SH3D19: variants seen among roughly 807,000 people sequenced by gnomAD.
SH3D19 encodes the protein SH3 domain-containing protein 19.
In SH3D19, 58 loss-of-function variants were observed where a neutral mutation model predicts 112.1. That is an observed-to-expected ratio of 0.52 (90% CI 0.42 to 0.64). SH3D19 has a LOEUF of 0.64. Ranked by LOEUF, SH3D19 falls within the 30% of genes least tolerant of loss-of-function variation. The probability of loss-of-function intolerance (pLI) is 0.00; values close to 1 mark genes in which losing one functional copy is unlikely to be tolerated. For missense variants in SH3D19, 1,090 were observed against 1,263.4 expected (o/e 0.86, Z 2.08); for synonymous variants, 391 against 448.5 (o/e 0.87, Z 1.62).
At chr4:151,258,864 G>A (rs539320559) in intron 1 of SH3D19, among the ~76,000 whole-genome samples, 1 of 152,068 alleles carries the variant, frequency 6.6e-6, no homozygotes, top group Non-Finnish European at 1.5e-5. Flanking sequence ...AGGGAGTGCT[G>A]GCCCTCAGGA....
intron 9 of SH3D19, among the ~76,000 whole-genome samples, chr4:151,150,273 A>G (rs1357691461): frequency 7.0e-6 from 1 of 142,044 alleles, no homozygotes; most frequent in Non-Finnish European, 1.5e-5. Flanking sequence ...ATACATATAT[A>G]TACACACACA....
At chr4:151,191,222 T>C (rs147405574) in intron 2 of SH3D19, among the ~76,000 whole-genome samples, 65 of 152,336 alleles carry the variant, frequency 4.3e-4, no homozygotes, top group African/African-American at 1.4e-3. Context: ...GCTTTTGATT[T>C]TACTGGTTCA....
chr4:151,292,315 A>T (rs1434957710), intron 1 of SH3D19, among the ~76,000 whole-genome samples: 1 of 152,052 alleles, frequency 6.6e-6, no homozygotes, highest in Non-Finnish European at 1.5e-5. Flanking sequence ...AAAAAAAGGA[A>T]AAGAAAAGAA....
rs1363096895 is a variant in SH3D19, at chr4:151,267,789, TC to T, written c.113-41704del. ...ATTAGTTGGTGATCAAAATAACCAG[TC>T]CCCCCTGTAAAGGGGGACTGGTTTT... On this transcript the variant is annotated intron_variant, in intron 1 of 19. Transcript: ENST00000604030. Among the ~76,000 whole-genome samples the T allele has an allele frequency of 2.6e-5, 4 of 151,832 alleles. No individual in the cohort carries two copies. In the East Asian group the frequency reaches 5.8e-4, roughly 22 times the overall value.
In SH3D19 at chr4:151,120,407, G is replaced by T. The variant is rs1747817462; in HGVS notation, c.*1684C>A. On this transcript the variant is annotated 3_prime_UTR_variant, in exon 20 of 20. Coordinates refer to ENST00000604030, the MANE Select transcript of SH3D19 (RefSeq NM_001378122.1). The stretch of plus-strand genomic sequence containing the variant: ...TTCCTCTAATAAAGATAGGTTTTCA[G>T]AATCTTCAATATAAGATGTTAAAAT... 6.6e-6 allele frequency: 1 copy of T among 152,480 alleles called. No homozygotes were observed. The highest frequency in any genetic ancestry group is 2.4e-5 in the African/African-American group (1 of 41,402). 9.4% of individuals were successfully genotyped at this position (152,480 alleles called of 1,614,324 possible).
intron 1 of SH3D19, among the ~76,000 whole-genome samples, chr4:151,232,543 TG>T (rs1216156222): frequency 1.3e-5 from 2 of 152,230 alleles, no homozygotes; most frequent in Non-Finnish European, 2.9e-5. Context: ...TGCATCATAG[TG>T]ACTGTACAAG....
At chr4:151,151,316 T>G (rs893383334) in intron 9 of SH3D19, among the ~76,000 whole-genome samples, 5 of 151,982 alleles carry the variant, frequency 3.3e-5, no homozygotes, top group African/African-American at 1.2e-4. Flanking sequence ...TCCTACTTTC[T>G]AAGTCCCCAA....
intron 9 of SH3D19, among the ~76,000 whole-genome samples, chr4:151,150,157 C>A (rs1579796957): frequency 9.0e-6 from 1 of 111,004 alleles, no homozygotes; most frequent in East Asian, 3.1e-4. Flanking sequence ...TGCACTCTAG[C>A]CTGGGCAACA....
intron 7 of SH3D19, among the ~76,000 whole-genome samples, chr4:151,167,374 T>C (rs1043786383): frequency 1.3e-5 from 2 of 151,906 alleles, no homozygotes; most frequent in African/African-American, 2.4e-5. Flanking sequence ...TTAAGAATTA[T>C]ATAAAATAGA....
At chr4:151,189,671 C>T (rs1412926495) in intron 2 of SH3D19, among the ~76,000 whole-genome samples, 1 of 152,146 alleles carries the variant, frequency 6.6e-6, no homozygotes, top group African/African-American at 2.4e-5. Context: ...GTGCTTTTCA[C>T]CTTCTGCTAT....
At chr4:151,285,263 A>G (rs1774634880) in intron 1 of SH3D19, among the ~76,000 whole-genome samples, 2 of 152,164 alleles carry the variant, frequency 1.3e-5, no homozygotes, top group South Asian at 4.2e-4. Flanking sequence ...CCCATAAGAA[A>G]TTTTAAAAAC....
At chr4:151,216,877 C>CTG (rs34575245) in intron 2 of SH3D19, among the ~76,000 whole-genome samples, 13,723 of 140,736 alleles carry the variant, frequency 0.098, 642 homozygotes, top group South Asian at 0.2. Flanking sequence ...CAAAACAACA[C>CTG]TGTGTGTGTG....
intron 2 of SH3D19, among the ~76,000 whole-genome samples, chr4:151,200,253 C>T (rs572087716): frequency 1.4e-4 from 22 of 151,852 alleles, no homozygotes; most frequent in African/African-American, 5.1e-4. Context: ...CATACATACA[C>T]ATACACACAC....
chr4:151,246,428 C>G (rs1455806652), intron 1 of SH3D19, among the ~76,000 whole-genome samples: 1 of 152,270 alleles, frequency 6.6e-6, no homozygotes, highest in African/African-American at 2.4e-5. Context: ...CAGGATAGAG[C>G]CATTCTTAGC....
At chr4:151,227,774 G>T (rs1355342568) in intron 1 of SH3D19, 1 of 985,312 alleles carries the variant, frequency 1.0e-6, no homozygotes, top group African/African-American at 1.7e-5. Context: ...GGCTAAAGCC[G>T]AGCTAAAACT....
chr4:151,291,050 C>G (rs930150912), intron 1 of SH3D19: 2 of 1,237,464 alleles, frequency 1.6e-6, no homozygotes, highest in Non-Finnish European at 2.2e-6. Context: ...GAATTCTCCA[C>G]CCCTTATTAC....
At chr4:151,202,267 G>A (rs1404381743) in intron 2 of SH3D19, among the ~76,000 whole-genome samples, 9 of 151,860 alleles carry the variant, frequency 5.9e-5, no homozygotes, top group Admixed American at 3.3e-4. Context: ...CTCAGGAGGC[G>A]GAGGTTGCTG....
Position 151,174,978 on chromosome 4 carries a change from G to C in SH3D19, c.1226C>G (p.Ser409Cys). Residue 409 changes from serine (S) to cysteine (C), a missense_variant, in exon 7 of 20, where the codon TCT becomes TGT. Coordinates refer to ENST00000604030, the MANE Select transcript of SH3D19 (RefSeq NM_001378122.1). ...AGTTGGCACTTTCTTCCCACTATCA[G>C]AGCTCTCAGCCAGGGGCCCTCTTCC... ...IPGRGPLAES[S>C]DSGKKVPTPA... is the part of the protein sequence containing the mutation. 1 of 1,614,202 alleles carries C rather than the reference G, an allele frequency of 6.2e-7. No individual in the cohort carries two copies. The highest frequency in any genetic ancestry group is 1.3e-5 in the African/African-American group (1 of 75,042).
intron 2 of SH3D19, among the ~76,000 whole-genome samples, chr4:151,204,297 C>T (rs1228344202): frequency 6.6e-6 from 1 of 152,194 alleles, no homozygotes; most frequent in Non-Finnish European, 1.5e-5. Flanking sequence ...TCACAGGACT[C>T]ACCACTTTGA....
Sources: allele counts gnomAD v4.1 joint callset (sites outside exome capture counted in the v4.1 genomes callset), GRCh38; gene constraint gnomAD v4.1.1; transcripts MANE v1.5; gene names NCBI Gene and HGNC (gene_info 2026-07-23, HGNC 2026-07-21).